The following SEMA3C variants were observed in gnomAD, a reference collection of about 807,000 sequenced individuals.
SEMA3C encodes the protein semaphorin 3C.
A neutral mutation model predicts 89.4 loss-of-function variants in SEMA3C; 47 were observed. The observed-to-expected ratio is 0.53, with a 90% CI of 0.42 to 0.67. The LOEUF (loss-of-function observed/expected upper bound fraction) is 0.67. Ranked by LOEUF, SEMA3C falls within the 30% of genes least tolerant of loss-of-function variation. The pLI is 0.00. For synonymous variants in SEMA3C, 310 were observed against 320.2 expected (o/e 0.97, Z 0.34); for missense variants, 839 against 929.1 (o/e 0.90, Z 1.26).
intron 11 of SEMA3C, among the ~76,000 whole-genome samples, chr7:80,790,957 T>C (rs1788924056): frequency 6.6e-6 from 1 of 152,140 alleles, no homozygotes; most frequent in East Asian, 1.9e-4. Flanking sequence ...GAATGCATTA[T>C]ATCATTGATT....
chr7:80,857,395 A>G (rs932044303), intron 2 of SEMA3C, among the ~76,000 whole-genome samples: 3 of 152,194 alleles, frequency 2.0e-5, no homozygotes, highest in African/African-American at 7.2e-5. Context: ...AAGTTTTAAA[A>G]AGGCAAGAAA....
chr7:80,887,326 T>C (rs1791507495), intron 2 of SEMA3C, among the ~76,000 whole-genome samples: 1 of 152,158 alleles, frequency 6.6e-6, no homozygotes, highest in Non-Finnish European at 1.5e-5. Flanking sequence ...AGTCAATAAA[T>C]AGAAAAGCAC....
At position 80,758,615 on chromosome 7, in the gene SEMA3C, C is replaced by T. The variant is rs186732770; in HGVS notation, c.1486-127G>A. On this transcript the variant is annotated intron_variant, in intron 14 of 17. Coordinates refer to ENST00000265361, the MANE Select transcript of SEMA3C (RefSeq NM_006379.5). Reference sequence around the variant, plus strand: ...TTTGGAACCGATTAAAAACATGAAGCAAAGCACAGAAGGGTATGAAGCCAA... The same window carrying T: ...TTTGGAACCGATTAAAAACATGAAGTAAAGCACAGAAGGGTATGAAGCCAA... 786 of 959,148 alleles carry T rather than the reference C, an allele frequency of 8.2e-4. 4 individuals are homozygous for T. In the African/African-American group the frequency reaches 0.012, roughly 15 times the overall value. The allele number at this position is 959,148 out of a possible 1,614,324, so 59.4% of individuals were successfully genotyped here.
chr7:80,820,224 AT>A (rs199821909), intron 4 of SEMA3C, among the ~76,000 whole-genome samples: 6,581 of 150,028 alleles, frequency 0.044, 365 homozygotes, highest in East Asian at 0.25. Flanking sequence ...TACCCAGCTA[AT>A]TTTTTTTTGT....
intron 15 of SEMA3C, among the ~76,000 whole-genome samples, chr7:80,757,204 T>C (rs878991248): frequency 1.3e-5 from 2 of 152,228 alleles, no homozygotes; most frequent in East Asian, 1.9e-4. Flanking sequence ...TGAAAGATCA[T>C]TGGTGCTCAT....
intron 12 of SEMA3C, among the ~76,000 whole-genome samples, chr7:80,776,972 T>G (rs73370879): frequency 0.011 from 1,745 of 152,244 alleles, 37 homozygotes; most frequent in African/African-American, 0.039. Flanking sequence ...ATGATATATA[T>G]CATAGATATG....
intron 4 of SEMA3C, among the ~76,000 whole-genome samples, chr7:80,820,490 TATTC>T (rs143338068): frequency 0.02 from 3,080 of 152,278 alleles, 73 homozygotes; most frequent in Admixed American, 0.072. Flanking sequence ...TTTCCTTTTA[TATTC>T]ATTATTACTT....
chr7:80,892,548 T>TA (rs1222251865), intron 2 of SEMA3C, among the ~76,000 whole-genome samples: 33 of 152,020 alleles, frequency 2.2e-4, no homozygotes, highest in African/African-American at 7.2e-4. Context: ...AAAGAAAATT[T>TA]AAAAAAACAA....
At chr7:80,888,678 TC>T (rs1482318793) in intron 2 of SEMA3C, among the ~76,000 whole-genome samples, 1 of 152,136 alleles carries the variant, frequency 6.6e-6, no homozygotes, top group African/African-American at 2.4e-5. Context: ...TCTGTTTGTG[TC>T]AAAAGTATGA....
intron 2 of SEMA3C, among the ~76,000 whole-genome samples, chr7:80,900,288 T>C (rs1791846319): frequency 6.6e-6 from 1 of 152,070 alleles, no homozygotes; most frequent in South Asian, 2.1e-4. Flanking sequence ...TAATTTTTTG[T>C]ATTTTTAGGA....
chr7:80,814,378 G>A (rs1583903581), intron 5 of SEMA3C, among the ~76,000 whole-genome samples: 1 of 151,998 alleles, frequency 6.6e-6, no homozygotes, highest in East Asian at 1.9e-4. Flanking sequence ...GTGAGCCACC[G>A]CGCCCAGCCC....
intron 12 of SEMA3C, among the ~76,000 whole-genome samples, chr7:80,774,311 T>C (rs1224404294): frequency 1.3e-5 from 2 of 152,170 alleles, no homozygotes; most frequent in Non-Finnish European, 2.9e-5. Context: ...TAATTCATTA[T>C]GTATAAAAAA....
intron 2 of SEMA3C, among the ~76,000 whole-genome samples, chr7:80,831,782 G>A (rs1291761522): frequency 1.3e-5 from 2 of 152,166 alleles, no homozygotes; most frequent in Non-Finnish European, 2.9e-5. Flanking sequence ...AATTTGGAAT[G>A]ATTTTATGTA....
intron 2 of SEMA3C, chr7:80,905,708 C>G (rs1791997663): frequency 4.4e-6 from 2 of 457,662 alleles, no homozygotes; most frequent in Admixed American, 2.5e-5. Context: ...ATGCTCTAAA[C>G]TAGTTTAAGA....
At chr7:80,755,665 T>C (rs551420088) in intron 15 of SEMA3C, among the ~76,000 whole-genome samples, 444 of 152,128 alleles carry the variant, frequency 2.9e-3, no homozygotes, top group African/African-American at 0.01. Flanking sequence ...GAGAGGCAAA[T>C]TTTTAGAACA....
Position 80,828,715 on chromosome 7 carries a change from A to G in SEMA3C, c.134T>C (p.Phe45Ser). 6.2e-7 allele frequency: 1 copy of G among 1,610,940 alleles called. No individual in the cohort carries two copies. Among genetic ancestry groups the G allele is most frequent in the Non-Finnish European group, 8.5e-7 (1 of 1,177,948 alleles). The change falls in exon 3 of 18, where the codon TTC (phenylalanine) becomes TCC (serine). Residue 45 changes from phenylalanine (F) to serine (S), a missense_variant. Physicochemically the swap from Phe to Ser is radical, Grantham distance 155 (BLOSUM62 -2). Transcript: ENST00000265361. The stretch of plus-strand genomic sequence containing the variant: ...GTCTAAAGGATGGTGGGAAAGGCTG[A>G]AGTATTCAGAGGTCTTGGTTTCTCG... ...ELRETKTSEY[F>S]SLSHHPLDYR...
chr7:80,881,210 C>T (rs1791332471), intron 2 of SEMA3C, among the ~76,000 whole-genome samples: 1 of 147,304 alleles, frequency 6.8e-6, no homozygotes, highest in African/African-American at 2.6e-5. Flanking sequence ...CACACACACA[C>T]TCTCTCTCAT....
At chr7:80,792,252 T>C (rs1324482207) in intron 11 of SEMA3C, among the ~76,000 whole-genome samples, 1 of 152,196 alleles carries the variant, frequency 6.6e-6, no homozygotes, top group Non-Finnish European at 1.5e-5. Context: ...CTGCAAAATA[T>C]AGAATTATGG....
At chr7:80,821,486 C>T (rs1789746072) in intron 4 of SEMA3C, among the ~76,000 whole-genome samples, 2 of 151,918 alleles carry the variant, frequency 1.3e-5, no homozygotes, top group Non-Finnish European at 2.9e-5. Flanking sequence ...GTGGTGCGAT[C>T]TCTGCTCACT....
Sources: allele counts gnomAD v4.1 joint callset (sites outside exome capture counted in the v4.1 genomes callset), GRCh38; gene constraint gnomAD v4.1.1; transcripts MANE v1.5; gene names NCBI Gene and HGNC (gene_info 2026-07-23, HGNC 2026-07-21).